The following CDK14 variants were observed in gnomAD, a reference collection of about 807,000 sequenced individuals.
CDK14 encodes cyclin-dependent kinase 14.
In CDK14, 34 loss-of-function variants were observed where a neutral mutation model predicts 60.7. The ratio of observed to expected loss-of-function variants is 0.56; its 90% CI spans 0.43 to 0.75. CDK14 has a LOEUF of 0.75. CDK14 is among the 30% of genes least tolerant of loss of function. The probability of loss-of-function intolerance (pLI) is 0.00; values close to 1 mark genes in which losing one functional copy is unlikely to be tolerated. For synonymous variants in CDK14, 197 were observed against 203.7 expected, an observed-to-expected ratio of 0.97 and a Z score of 0.28; for missense variants, 482 against 564.1, an observed-to-expected ratio of 0.85 and a Z score of 1.47.
intron 2 of CDK14, among the ~76,000 whole-genome samples, chr7:90,714,553 T>G (rs993472401): frequency 1.3e-5 from 2 of 152,114 alleles, no homozygotes; most frequent in Non-Finnish European, 2.9e-5. Context: ...GAATCAATTG[T>G]TAAAGCAACA....
chr7:90,690,471 AC>A (rs1801531126), intron 2 of CDK14, among the ~76,000 whole-genome samples: 1 of 152,134 alleles, frequency 6.6e-6, no homozygotes, highest in Admixed American at 6.6e-5. Context: ...ACTTAGAAAT[AC>A]CCATTATTAT....
chr7:90,647,212 C>T (rs536198689), intron 2 of CDK14, among the ~76,000 whole-genome samples: 107 of 152,260 alleles, frequency 7.0e-4, no homozygotes, highest in Non-Finnish European at 1.3e-3. Flanking sequence ...GGAGGACATC[C>T]AGAGACTTGT....
intron 6 of CDK14, among the ~76,000 whole-genome samples, chr7:90,884,296 A>G (rs1160437098): frequency 2.0e-5 from 3 of 152,176 alleles, no homozygotes; most frequent in Non-Finnish European, 4.4e-5. Flanking sequence ...AACAGTAGGC[A>G]AGCAGACAGC....
intron 6 of CDK14, among the ~76,000 whole-genome samples, chr7:90,867,311 C>G (rs1405875325): frequency 6.6e-6 from 1 of 152,110 alleles, no homozygotes; most frequent in Admixed American, 6.6e-5. Flanking sequence ...TGTGAAAGTT[C>G]TAACAAATTT....
chr7:90,695,070 C>T (rs185121059), intron 2 of CDK14, among the ~76,000 whole-genome samples: 4 of 152,254 alleles, frequency 2.6e-5, no homozygotes, highest in Admixed American at 2.0e-4. Flanking sequence ...TACAAGATGA[C>T]ACTCAACTCA....
chr7:91,177,430 A>T (rs898673431), intron 14 of CDK14, among the ~76,000 whole-genome samples: 1 of 151,840 alleles, frequency 6.6e-6, no homozygotes, highest in Non-Finnish European at 1.5e-5. Context: ...CACCACTCCT[A>T]TTCAACATAG....
At chr7:90,799,320 C>T (rs1175387502) in intron 5 of CDK14, among the ~76,000 whole-genome samples, 1 of 152,152 alleles carries the variant, frequency 6.6e-6, no homozygotes, top group Non-Finnish European at 1.5e-5. Flanking sequence ...ATCATTATTG[C>T]TATTTTGAGG....
intron 3 of CDK14, among the ~76,000 whole-genome samples, chr7:90,733,810 T>A (rs11770698): frequency 0.33 from 50,603 of 152,058 alleles, 8,793 homozygotes; most frequent in Middle Eastern, 0.42. Flanking sequence ...ATTTACATTT[T>A]AGGTTATTGT....
At chr7:90,918,795 G>T (rs1562828022) in intron 8 of CDK14, among the ~76,000 whole-genome samples, 1 of 152,116 alleles carries the variant, frequency 6.6e-6, no homozygotes, top group African/African-American at 2.4e-5. Flanking sequence ...TTATTTCAAG[G>T]TTAGTAGACT....
At chr7:91,076,763 T>C (rs1252572530) in intron 11 of CDK14, among the ~76,000 whole-genome samples, 3 of 151,760 alleles carry the variant, frequency 2.0e-5, no homozygotes, top group African/African-American at 7.3e-5. Context: ...CTGACAAAGG[T>C]CTAATATGTG....
At chr7:90,969,410 G>A (rs1010166331) in intron 9 of CDK14, among the ~76,000 whole-genome samples, 3 of 152,140 alleles carry the variant, frequency 2.0e-5, no homozygotes, top group African/African-American at 4.8e-5. Flanking sequence ...TTCTCTTCAC[G>A]ATATGCCACA....
intron 12 of CDK14, among the ~76,000 whole-genome samples, chr7:91,108,342 T>G (rs2116338238): frequency 6.6e-6 from 1 of 152,310 alleles, no homozygotes; most frequent in African/African-American, 2.4e-5. Context: ...GTTCAACACT[T>G]AAAGCATGTT....
chr7:90,956,275 C>G (rs1461494614), intron 9 of CDK14, among the ~76,000 whole-genome samples: 1 of 152,036 alleles, frequency 6.6e-6, no homozygotes, highest in Non-Finnish European at 1.5e-5. Flanking sequence ...CACTAGTTAT[C>G]CAAAATGAAA....
chr7:90,710,585 C>A, intron 2 of CDK14: 1 of 973,824 alleles, frequency 1.0e-6, no homozygotes, highest in Non-Finnish European at 1.2e-6. Context: ...TATTTTGCAT[C>A]ATTACACCTG....
At chr7:91,138,539 A>G (rs890015465) in intron 14 of CDK14, among the ~76,000 whole-genome samples, 32 of 152,176 alleles carry the variant, frequency 2.1e-4, no homozygotes, top group Non-Finnish European at 3.5e-4. Context: ...TGAAAAAGCA[A>G]TAGACCTAGG....
chr7:91,096,082 A>AAC (rs1798981691), intron 12 of CDK14, among the ~76,000 whole-genome samples: 1 of 150,812 alleles, frequency 6.6e-6, no homozygotes, highest in Non-Finnish European at 1.5e-5. Flanking sequence ...AAAAAAAAAA[A>AAC]AAAAAACAGT....
intron 1 of CDK14, among the ~76,000 whole-genome samples, chr7:90,601,863 C>T (rs562287733): frequency 5.3e-5 from 8 of 152,172 alleles, no homozygotes; most frequent in Non-Finnish European, 1.2e-4. Context: ...AGTGATCCTC[C>T]CACCTCAGCC....
intron 8 of CDK14, among the ~76,000 whole-genome samples, chr7:90,923,107 C>CTTTTT (rs1319576107): frequency 7.7e-6 from 1 of 129,374 alleles, no homozygotes; most frequent in Non-Finnish European, 1.6e-5. Context: ...CCCTAAACAT[C>CTTTTT]TTTTTTTTTT....
At chr7:90,809,698 A>G (rs1289809904) in intron 5 of CDK14, among the ~76,000 whole-genome samples, 3 of 152,322 alleles carry the variant, frequency 2.0e-5, no homozygotes, top group Admixed American at 6.5e-5. Flanking sequence ...TTTTGAAAAG[A>G]TCAACAAAAT....
Sources: allele counts gnomAD v4.1 joint callset (sites outside exome capture counted in the v4.1 genomes callset), GRCh38; gene constraint gnomAD v4.1.1; transcripts MANE v1.5; gene names NCBI Gene and HGNC (gene_info 2026-07-23, HGNC 2026-07-21).